The following EML4 variants were observed in gnomAD, a reference collection of about 807,000 sequenced individuals.
The protein encoded by EML4 is echinoderm microtubule-associated protein-like 4.
A neutral mutation model predicts 129.0 loss-of-function variants in EML4; 72 were observed. That is an observed-to-expected ratio of 0.56 (90% CI 0.46 to 0.68). The LOEUF (loss-of-function observed/expected upper bound fraction) is 0.68. EML4 is among the 30% of genes least tolerant of loss of function. The pLI is 0.00. For synonymous variants in EML4, 532 were observed against 405.0 expected (o/e 1.31, Z -3.77); for missense variants, 1,363 against 1,190.6 (o/e 1.14, Z -2.13).
At chr2:42,291,502 C>T (rs574440368) in intron 11 of EML4, among the ~76,000 whole-genome samples, 34 of 148,178 alleles carry the variant, frequency 2.3e-4, no homozygotes, top group Non-Finnish European at 3.8e-4. Context: ...CTCCTGGGTT[C>T]AAGTGATTCT....
At chr2:42,326,333 A>T (rs1669810773) in intron 21 of EML4, 81 bp downstream of exon 21, 2 of 928,618 alleles carry the variant, frequency 2.2e-6, no homozygotes, top group Middle Eastern at 2.4e-4. Flanking sequence ...TTTATAAATG[A>T]AAAATAGTCT....
chr2:42,329,783 G>A lies in EML4; in HGVS notation c.2522G>A (p.Ser841Asn). The change falls in exon 23 of 23, where the codon AGT becomes AAT. Residue 841 changes from serine (S) to asparagine (N), a missense_variant. Transcript: ENST00000318522. ...CACAGCAGCCATGTCACCAATGTCA[G>A]TTTTACTCACAATGACAGTCACCTG... is the stretch of plus-strand genomic sequence containing the variant. ...SAHSSHVTNVSFTHNDSHLIS... is the reference protein window; with the variant it reads ...SAHSSHVTNVNFTHNDSHLIS... 2 of 1,614,130 alleles carry A rather than the reference G, an allele frequency of 1.2e-6. No homozygotes were observed. The highest frequency in any genetic ancestry group is 8.5e-7 in the Non-Finnish European group (1 of 1,180,024).
chr2:42,244,770 A>G (rs973328317), intron 1 of EML4, among the ~76,000 whole-genome samples: 16 of 152,186 alleles, frequency 1.1e-4, no homozygotes, highest in African/African-American at 3.9e-4. Flanking sequence ...CATAAAACCA[A>G]ACAAGTGATT....
intron 17 of EML4, among the ~76,000 whole-genome samples, chr2:42,305,233 A>G (rs1668526933): frequency 6.6e-6 from 1 of 152,200 alleles, no homozygotes; most frequent in African/African-American, 2.4e-5. Flanking sequence ...GTGAGACACC[A>G]TCTCTACAAA....
At position 42,284,720 on chromosome 2, in the gene EML4, T is replaced by TATGGTGAGTGGCA. The variant is rs773859710; in HGVS notation, c.1011+20_1011+21insGTGAGTGGCAATG. 127 of 1,594,766 alleles carry TATGGTGAGTGGCA rather than the reference T, an allele frequency of 8.0e-5. 1 individual carries two copies. The South Asian group carries it at 1.4e-3, about 18-fold the overall frequency. On this transcript the variant is annotated intron_variant, in intron 9 of 22. Coordinates refer to ENST00000318522, the MANE Select transcript of EML4 (RefSeq NM_019063.5). ...GATGGAAGGGTGAGTGGCATAGTGT[T>TATGGTGAGTGGCA]ATGCCTTCTGTACCTAGAGACATTG...
intron 8 of EML4, 67 bp from the exon 9 acceptor site, chr2:42,284,566 TC>T: frequency 9.5e-7 from 1 of 1,049,786 alleles, no homozygotes; most frequent in Non-Finnish European, 1.4e-6. Context: ...TTGAAAAATG[TC>T]AGTACAAAGG....
intron 21 of EML4, among the ~76,000 whole-genome samples, 200 bp downstream of exon 21, chr2:42,326,452 C>T (rs574319817): frequency 6.6e-6 from 1 of 152,270 alleles, no homozygotes; most frequent in South Asian, 2.1e-4. Context: ...ACTTTTGGTC[C>T]TTAATATGAA....
intron 17 of EML4, among the ~76,000 whole-genome samples, chr2:42,308,642 G>T (rs62142597): frequency 0.015 from 2,233 of 152,224 alleles, 23 homozygotes; most frequent in Non-Finnish European, 0.024. Context: ...ATATAATTCA[G>T]TAAGTTCACA....
intron 1 of EML4, among the ~76,000 whole-genome samples, chr2:42,227,625 G>A (rs1674055002): frequency 6.6e-6 from 1 of 151,998 alleles, no homozygotes; most frequent in Admixed American, 6.6e-5. Flanking sequence ...TGAACTGTGT[G>A]GGTCCACTTA....
At chr2:42,300,597 C>G (rs982076078) in intron 13 of EML4, among the ~76,000 whole-genome samples, 1 of 152,158 alleles carries the variant, frequency 6.6e-6, no homozygotes, top group African/African-American at 2.4e-5. Context: ...CTGCAGGTAT[C>G]CATTGCCTAC....
At chr2:42,229,686 CATT>C (rs1316220356) in intron 1 of EML4, among the ~76,000 whole-genome samples, 1 of 151,870 alleles carries the variant, frequency 6.6e-6, no homozygotes, top group Non-Finnish European at 1.5e-5. Context: ...GAAATAAAAG[CATT>C]TAGCTCATTT....
Position 42,330,169 on chromosome 2 carries a change from C to G in EML4, c.2908C>G (p.Leu970Val). The change falls in exon 23 of 23, where the codon CTT becomes GTT. Residue 970 changes from leucine to valine, a missense_variant. By Grantham distance (32) the Leu-to-Val change is conservative. Transcript: ENST00000318522. ...AAGCAAGGAGCAGGCCAAAGCCACC[C>G]TTCTGGAGGACCAGCAAGACCCTTC... Reference protein sequence around the residue: ...EISKEQAKATLLEDQQDPSPS... With the variant: ...EISKEQAKATVLEDQQDPSPS... The G allele has an allele frequency of 6.2e-7, 1 of 1,612,516 alleles. No individual in the cohort carries two copies. Among genetic ancestry groups the G allele is most frequent in the Non-Finnish European group, 8.5e-7 (1 of 1,179,798 alleles).
chr2:42,170,419 T>C (rs1012691922), intron 1 of EML4: 9 of 152,240 alleles, frequency 5.9e-5, no homozygotes, highest in African/African-American at 2.2e-4. Context: ...AGGGGGCCTC[T>C]ATCAGGGAAG....
At chr2:42,305,422 T>G (rs145841766) in intron 17 of EML4, among the ~76,000 whole-genome samples, 1 of 152,274 alleles carries the variant, frequency 6.6e-6, no homozygotes, top group East Asian at 1.9e-4. Flanking sequence ...ATGAGAAGAA[T>G]CAGAAAATTT....
chr2:42,302,960 TTAG>T (rs1218099522), intron 14 of EML4, 141 bp from the exon 15 acceptor site: 11 of 648,170 alleles, frequency 1.7e-5, no homozygotes, highest in East Asian at 8.1e-5. Flanking sequence ...GACAAATAAA[TTAG>T]TAGTAGTATG....
chr2:42,208,082 G>A (rs1393195278), intron 1 of EML4: 1 of 152,112 alleles, frequency 6.6e-6, no homozygotes, highest in Admixed American at 6.5e-5. Context: ...TTGGTGGACA[G>A]GTACAAATTA....
chr2:42,280,551 ACAT>A (rs1666947139), intron 6 of EML4, among the ~76,000 whole-genome samples: 1 of 152,228 alleles, frequency 6.6e-6, no homozygotes, highest in Non-Finnish European at 1.5e-5. Context: ...CATAGCATTC[ACAT>A]CATATTATGA....
intron 2 of EML4, among the ~76,000 whole-genome samples, chr2:42,252,188 C>T (rs1675819216): frequency 6.6e-6 from 1 of 152,172 alleles, no homozygotes; most frequent in South Asian, 2.1e-4. Context: ...AGTCTACATA[C>T]AGTACACTGA....
At chr2:42,179,633 C>T (rs538324700) in intron 1 of EML4, among the ~76,000 whole-genome samples, 4 of 152,264 alleles carry the variant, frequency 2.6e-5, no homozygotes, top group East Asian at 1.9e-4. Flanking sequence ...GATGGGGTCT[C>T]GCTCTGTCGC....
Sources: allele counts gnomAD v4.1 joint callset (sites outside exome capture counted in the v4.1 genomes callset), GRCh38; gene constraint gnomAD v4.1.1; transcripts MANE v1.5; gene names NCBI Gene and HGNC (gene_info 2026-07-23, HGNC 2026-07-21).